Variants in BEST2 observed in about 807,000 individuals in gnomAD.
The protein encoded by BEST2 is bestrophin 2.
Under a neutral mutation model 49.0 loss-of-function variants are expected in BEST2, and 36 were observed. That is an observed-to-expected ratio of 0.73 (90% CI 0.56 to 0.97). The LOEUF is 0.97. Ranked by LOEUF, BEST2 falls within the 50% of genes least tolerant of loss-of-function variation. BEST2 has a pLI of 0.00. For synonymous variants in BEST2, 335 were observed against 304.4 expected (o/e 1.10, Z -1.05); for missense variants, 672 against 710.0 (o/e 0.95, Z 0.61).
At position 12,755,427 on chromosome 19, in the gene BEST2, T is replaced by C. The variant is rs1328701213; in HGVS notation, c.685T>C (p.Trp229Arg). ...ATGTGGAATGCTCTTTCACTATGAC[T>C]GGATTAGCGTACCCCTCGTGTACAC... ...GKCGMLFHYDWISVPLVYTQV... is the reference protein window; with the variant it reads ...GKCGMLFHYDRISVPLVYTQV... Residue 229 changes from tryptophan (W) to arginine (R), a missense_variant, in exon 6 of 10, where the codon TGG becomes CGG. Around this residue, in one of 3 missense-constraint regions of BEST2, gnomAD observed 365 missense variants for 390.9 expected, o/e 0.93. Transcript: ENST00000553030. This position sits in a 1 kb window ranked among gnomAD's most constrained non-coding sequence, Gnocchi z 4.4. 1.2e-6 allele frequency: 2 copies of C among 1,614,060 alleles called. No homozygotes were observed. Among genetic ancestry groups the C allele is most frequent in the Admixed American group, 1.7e-5 (1 of 60,000 alleles).
chr19:12,757,168 G>C (rs139690183), intron 9 of BEST2, among the ~76,000 whole-genome samples: 1 of 151,478 alleles, frequency 6.6e-6, no homozygotes, highest in Non-Finnish European at 1.5e-5. Flanking sequence ...GGCCGGGTGC[G>C]GTGGCTCACG....
intron 9 of BEST2, 98 bp downstream of exon 9, chr19:12,756,393 G>A: frequency 6.8e-7 from 1 of 1,461,074 alleles, no homozygotes; most frequent in South Asian, 1.2e-5. Context: ...TTCTGGAGAT[G>A]GGGATAAGAG....
intron 3 of BEST2, among the ~76,000 whole-genome samples, chr19:12,754,221 G>A (rs547964146): frequency 1.3e-5 from 2 of 151,892 alleles, no homozygotes; most frequent in East Asian, 3.9e-4. Context: ...GACTACAGGT[G>A]CGCCACCATG....
Position 12,754,830 on chromosome 19 carries a change from G to A in BEST2, c.481+45G>A, listed in dbSNP as rs778143916. ...CAGGGCAGAGACCGGGCAAGGACCA[G>A]GTGGAGGGGGGCAAGGGGCGAGCTA... On this transcript the variant is annotated intron_variant, in intron 4 of 9. Transcript: ENST00000553030. The A allele has an allele frequency of 9.4e-6, 15 of 1,590,822 alleles. No homozygotes were observed. The Admixed American group carries it at 2.7e-4, about 29-fold the overall frequency.
In BEST2 at chr19:12,755,610, C is replaced by T. The variant is rs1360323113; in HGVS notation, c.715-5C>T. On this transcript the variant is annotated splice_polypyrimidine_tract_variant and splice_region_variant and intron_variant, in intron 6 of 9. Transcript: ENST00000553030. The surrounding 1 kb of genome is among the most constrained non-coding windows in gnomAD (Gnocchi z 4.4). ...CCCCCCTGAGCCCTGCCCCGCCCTG[C>T]CCAGGTGGTGACCATCGCACTGTAC... 2 of 1,612,414 alleles carry T rather than the reference C, an allele frequency of 1.2e-6. No homozygotes were observed. The highest frequency in any genetic ancestry group is 1.7e-4 in the Middle Eastern group (1 of 6,058).
rs368457794 is a variant in BEST2, at chr19:12,755,579, C to T, written c.715-36C>T. On this transcript the variant is annotated intron_variant, in intron 6 of 9. Transcript: ENST00000553030. This position sits in a 1 kb window ranked among gnomAD's most constrained non-coding sequence, Gnocchi z 4.4. Reference sequence around the variant, plus strand: ...GATGCCTAATCCTAGCCTTGGACCCCAATGACCCCCCTGAGCCCTGCCCCG... The same window carrying T: ...GATGCCTAATCCTAGCCTTGGACCCTAATGACCCCCCTGAGCCCTGCCCCG... 6.2e-7 allele frequency: 1 copy of T among 1,609,626 alleles called. No homozygotes were observed. The highest frequency in any genetic ancestry group is 8.5e-7 in the Non-Finnish European group (1 of 1,177,072).
At position 12,755,082 on chromosome 19, in the gene BEST2, C is replaced by G; in HGVS notation, c.636+51C>G. The G allele has an allele frequency of 6.5e-7, 1 of 1,547,728 alleles. No homozygotes were observed. Among genetic ancestry groups the G allele is most frequent in the Non-Finnish European group, 8.7e-7 (1 of 1,151,060 alleles). ...TATAGAATACCAGGGAAATTGTACC[C>G]CTGGAGCTGTGTCAACGGCGGCCCT... On this transcript the variant is annotated intron_variant, in intron 5 of 9. Transcript: ENST00000553030. The surrounding 1 kb of genome is among the most constrained non-coding windows in gnomAD (Gnocchi z 4.4).
Position 12,757,727 on chromosome 19 carries a change from C to A in BEST2, c.1180C>A (p.Leu394Met). Residue 394 changes from leucine to methionine, a missense_variant, in exon 10 of 10, where the codon CTG becomes ATG. Leu to Met is a conservative substitution (Grantham distance 15, BLOSUM62 2). Transcript: ENST00000553030. ...GPMGEAPGDF[L>M]QRLLPAGAGM... ...GATGGGAGAGGCGCCCGGCGACTTC[C>A]TGCAGCGCCTCCTGCCGGCGGGCGC... 1 of 1,545,052 alleles carries A rather than the reference C, an allele frequency of 6.5e-7. No homozygotes were observed. Among genetic ancestry groups the A allele is most frequent in the Non-Finnish European group, 8.7e-7 (1 of 1,147,256 alleles).
At position 12,752,629 on chromosome 19, in the gene BEST2, C is replaced by G. The variant is rs747298154; in HGVS notation, c.37C>G (p.Arg13Gly). The change falls in exon 2 of 10, where the codon CGC (arginine) becomes GGC (glycine). Residue 13 changes from arginine to glycine, a missense_variant. Coordinates refer to ENST00000553030, the MANE Select transcript of BEST2 (RefSeq NM_017682.3). Reference sequence around the variant, plus strand: ...CTACACAGCCCGAGTGGCGAACGCCCGCTTCGGTGGCTTCTCCCAGCTGCT... The same window carrying G: ...CTACACAGCCCGAGTGGCGAACGCCGGCTTCGGTGGCTTCTCCCAGCTGCT... Reference protein sequence around the residue: ...VTYTARVANARFGGFSQLLLL... With the variant: ...VTYTARVANAGFGGFSQLLLL... 6.2e-7 allele frequency: 1 copy of G among 1,612,436 alleles called. No homozygotes were observed. Among genetic ancestry groups the G allele is most frequent in the East Asian group, 2.2e-5 (1 of 44,860 alleles).
Position 12,754,709 on chromosome 19 carries a change from G to A in BEST2, c.405G>A (p.Ser135=), listed in dbSNP as rs748960573. 3.1e-6 allele frequency: 5 copies of A among 1,590,018 alleles called. No individual in the cohort carries two copies. The highest frequency in any genetic ancestry group is 2.6e-6 in the Non-Finnish European group (3 of 1,168,164). Residue 135 remains serine (S), a synonymous_variant, in exon 4 of 10, where the codon TCG becomes TCA. Transcript: ENST00000553030. ...RRTLMRYAGL[S]AVLILRSVST... ...CACTCATGCGCTACGCAGGGCTCTC[G>A]GCCGTGCTCATCCTGCGCTCCGTCA...
chr19:12,752,635 G>T lies in BEST2; in HGVS notation c.43G>T (p.Gly15Cys). The T allele has an allele frequency of 6.2e-7, 1 of 1,612,464 alleles. No homozygotes were observed. The highest frequency in any genetic ancestry group is 2.2e-5 in the East Asian group (1 of 44,852). The change falls in exon 2 of 10, where the codon GGT becomes TGT. Residue 15 changes from glycine (G) to cysteine (C), a missense_variant. Transcript: ENST00000553030. ...AGCCCGAGTGGCGAACGCCCGCTTCGGTGGCTTCTCCCAGCTGCTGCTACT... is the reference window on the plus strand; with the variant it reads ...AGCCCGAGTGGCGAACGCCCGCTTCTGTGGCTTCTCCCAGCTGCTGCTACT... The part of the protein sequence containing the change: ...YTARVANARF[G>C]GFSQLLLLWR...
chr19:12,752,486 C>T, intron 1 of BEST2, 56 bp from the exon 2 acceptor site: 1 of 1,249,280 alleles, frequency 8.0e-7, no homozygotes. Context: ...CGGGCCGGAA[C>T]ATGGGTGGAA....
chr19:12,755,066 C>T lies in BEST2; in HGVS notation c.636+35C>T. 6.4e-7 allele frequency: 1 copy of T among 1,566,322 alleles called. No homozygotes were observed. Among genetic ancestry groups the T allele is most frequent in the South Asian group, 1.2e-5 (1 of 83,670 alleles). ...ACCAGGAGGTCATTCATATAGAATA[C>T]CAGGGAAATTGTACCCCTGGAGCTG... On this transcript the variant is annotated intron_variant, in intron 5 of 9. Transcript: ENST00000553030. The surrounding 1 kb of genome is among the most constrained non-coding windows in gnomAD (Gnocchi z 4.4).
Position 12,754,881 on chromosome 19 carries a change from T to G in BEST2, c.486T>G (p.Phe162Leu), listed in dbSNP as rs376890260. 2.5e-5 allele frequency: 40 copies of G among 1,612,104 alleles called. No homozygotes were observed. The highest frequency in any genetic ancestry group is 3.3e-5 in the Non-Finnish European group (39 of 1,179,230). ...PTIDHVVEAG[F>L]MTREERKKFE... ...TCCCTGACCCCTTTCCTCCAGGGTT[T>G]ATGACCCGCGAGGAGCGCAAGAAGT... The change falls in exon 5 of 10, where the codon TTT becomes TTG. Residue 162 changes from phenylalanine (F) to leucine (L), a missense_variant. Phe to Leu is a conservative substitution (Grantham distance 22, BLOSUM62 0). This residue lies in a region of BEST2 where 365 missense variants were observed against 390.9 expected (regional missense o/e 0.93). Coordinates refer to ENST00000553030, the MANE Select transcript of BEST2 (RefSeq NM_017682.3).
At chr19:12,756,418 C>G (rs2145706160) in intron 9 of BEST2, 123 bp downstream of exon 9, 1 of 1,330,216 alleles carries the variant, frequency 7.5e-7, no homozygotes, top group East Asian at 2.3e-5. Context: ...AGTCTCAGGA[C>G]TGTGATAACG....
Position 12,758,163 on chromosome 19 carries a change from G to T in BEST2, c.*86G>T, listed in dbSNP as rs1967969622. 1 of 1,464,162 alleles carries T rather than the reference G, an allele frequency of 6.8e-7. No homozygotes were observed. 90.7% of individuals were successfully genotyped at this position (1,464,162 alleles called of 1,614,324 possible). On this transcript the variant is annotated 3_prime_UTR_variant, in exon 10 of 10. Coordinates refer to ENST00000553030, the MANE Select transcript of BEST2 (RefSeq NM_017682.3). ...GTGTCCCGGTCTGCATAAGCCTCGT[G>T]TGCCTTTGTAAAGTCCACCTACACT...
chr19:12,755,090 T>A lies in BEST2; in HGVS notation c.636+59T>A. On this transcript the variant is annotated intron_variant, in intron 5 of 9. Transcript: ENST00000553030. The surrounding 1 kb of genome is among the most constrained non-coding windows in gnomAD (Gnocchi z 4.4). ...ACCAGGGAAATTGTACCCCTGGAGC[T>A]GTGTCAACGGCGGCCCTCCAAGCAC... 1 of 1,535,452 alleles carries A rather than the reference T, an allele frequency of 6.5e-7. No individual in the cohort carries two copies. The highest frequency in any genetic ancestry group is 8.7e-7 in the Non-Finnish European group (1 of 1,145,170).
Position 12,757,956 on chromosome 19 carries a change from C to T in BEST2, c.1409C>T (p.Pro470Leu). The T allele has an allele frequency of 6.2e-7, 1 of 1,601,632 alleles. No homozygotes were observed. Among genetic ancestry groups the T allele is most frequent in the Non-Finnish European group, 8.5e-7 (1 of 1,175,724 alleles). ...GCCCCGCCCCCTGCGGGTCCCGAAC[C>T]GCTTACCCTCATCCCTGGGCCTGTC... ...PEAPPPAGPE[P>L]LTLIPGPVEP... is the part of the protein sequence containing the mutation. The change falls in exon 10 of 10, where the codon CCG becomes CTG. Residue 470 changes from proline (P) to leucine (L), a missense_variant. Coordinates refer to ENST00000553030, the MANE Select transcript of BEST2 (RefSeq NM_017682.3).
chr19:12,758,301 T>C lies in BEST2; in HGVS notation c.*224T>C, dbSNP rs1178636665. The C allele has an allele frequency of 5.2e-6, 3 of 582,376 alleles. No individual in the cohort carries two copies. The highest frequency in any genetic ancestry group is 9.0e-6 in the Non-Finnish European group (3 of 334,794). 36.1% of individuals were successfully genotyped at this position (582,376 alleles called of 1,614,324 possible). A position where few individuals can be genotyped will look rare whatever the true frequency, so the allele number is the denominator to read the frequency against. ...ACCAGCTCTACTTCCCAACCCCCAC[T>C]GCCTGAGAGGTCTCTATCAGTGTCC... On this transcript the variant is annotated 3_prime_UTR_variant, in exon 10 of 10. Transcript: ENST00000553030.
Sources: allele counts gnomAD v4.1 joint callset (sites outside exome capture counted in the v4.1 genomes callset), GRCh38; gene constraint gnomAD v4.1.1; regional missense constraint gnomAD v4.1.1; non-coding constraint Gnocchi (gnomAD v3.1); transcripts MANE v1.5; gene names NCBI Gene and HGNC (gene_info 2026-07-23, HGNC 2026-07-21).